Variants in EDA observed in about 807,000 individuals in gnomAD.
EDA encodes ectodysplasin A.
Under a neutral mutation model 23.6 loss-of-function variants are expected in EDA, and 2 were observed. The observed-to-expected ratio is 0.08, with a 90% confidence interval of 0.03 to 0.27. The LOEUF (loss-of-function observed/expected upper bound fraction) is 0.27. Among genes scored for constraint, EDA ranks in the 10% least tolerant of loss-of-function variants. The pLI is 1.00. For missense variants in EDA, 229 were observed against 324.2 expected (o/e 0.71, Z 2.26); for synonymous variants, 131 against 132.0 (o/e 0.99, Z 0.05).
chrX:69,912,769 CTTTTT>C (rs750059116), intron 1 of EDA, among the ~76,000 whole-genome samples: 2 of 79,206 alleles, frequency 2.5e-5, no homozygotes, highest in Non-Finnish European at 2.4e-5. Flanking sequence ...TTTTTCTTTT[CTTTTT>C]TTTTTTTTTT....
intron 1 of EDA, among the ~76,000 whole-genome samples, chrX:69,817,174 G>A (rs1280491498): frequency 2.7e-5 from 3 of 111,731 alleles, no homozygotes; most frequent in Non-Finnish European, 5.6e-5. Context: ...AATGCTGGGG[G>A]AATTTGTTAC....
chrX:69,781,995 G>A lies in EDA; in HGVS notation c.396+165291G>A, dbSNP rs1006515771. On this transcript the variant is annotated intron_variant, in intron 1 of 7. Coordinates refer to ENST00000374552, the MANE Select transcript of EDA (RefSeq NM_001399.5). Reference sequence around the variant, plus strand: ...GTTTGCAAGTCAAGAATAGTGTGGGGGAGGGAGTTTGGAGAGAAAAGACAA... The same window carrying A: ...GTTTGCAAGTCAAGAATAGTGTGGGAGAGGGAGTTTGGAGAGAAAAGACAA... 8.2e-5 allele frequency among the ~76,000 whole-genome samples: 9 copies of A among 109,579 alleles called. 1 individual carries two copies. The highest frequency in any genetic ancestry group is 5.0e-4 in the Admixed American group (5 of 10,086).
intron 1 of EDA, among the ~76,000 whole-genome samples, chrX:69,722,369 C>A (rs1407524926): frequency 9.1e-6 from 1 of 109,461 alleles, no homozygotes; most frequent in East Asian, 2.9e-4. Context: ...CCACGCCTGG[C>A]TCATTTTTTT....
intron 1 of EDA, among the ~76,000 whole-genome samples, chrX:69,693,831 G>A (rs1170449515): frequency 8.9e-6 from 1 of 111,871 alleles, no homozygotes; most frequent in Non-Finnish European, 1.9e-5. Flanking sequence ...TACTGTTATA[G>A]TATTGGCCTT....
chrX:69,873,284 A>T (rs1310273421), intron 1 of EDA, among the ~76,000 whole-genome samples: 2 of 112,216 alleles, frequency 1.8e-5, no homozygotes, highest in Non-Finnish European at 3.8e-5. Flanking sequence ...AAATGCCTAC[A>T]TCAAAAAGTC....
chrX:69,664,746 A>G (rs1266101763), intron 1 of EDA, among the ~76,000 whole-genome samples: 1 of 111,768 alleles, frequency 8.9e-6, no homozygotes, highest in Non-Finnish European at 1.9e-5. Context: ...AGTTGTTTCC[A>G]TATCTTGGCT....
rs132630318 is a variant in EDA, at chrX:69,616,491, C to T, written c.183C>T (p.Tyr61=). ...LALHLLTLCC[Y]LELRSELRRE... ...TCCACCTGCTGACGTTGTGCTGCTA[C>T]CTAGAGTTGCGCTCGGAGTTGCGGC... The change falls in exon 1 of 8, where the codon TAC becomes TAT. Residue 61 remains tyrosine (Y), a synonymous_variant. Transcript: ENST00000374552. 1 of 1,212,083 alleles carries T rather than the reference C, an allele frequency of 8.3e-7. No homozygotes were observed.
chrX:69,972,145 A>C (rs1159304054), intron 2 of EDA, among the ~76,000 whole-genome samples: 1 of 111,815 alleles, frequency 8.9e-6, no homozygotes, highest in Non-Finnish European at 1.9e-5. Context: ...TAATATACAT[A>C]ATGTTCCATT....
At chrX:69,941,504 T>A (rs139995005) in intron 1 of EDA, among the ~76,000 whole-genome samples, 2,021 of 111,834 alleles carry the variant, frequency 0.018, 56 homozygotes, top group African/African-American at 0.061. Flanking sequence ...TCTTGTTGAA[T>A]TGACCCCTTT....
At chrX:69,906,531 A>G (rs1444107646) in intron 1 of EDA, among the ~76,000 whole-genome samples, 2 of 112,537 alleles carry the variant, frequency 1.8e-5, no homozygotes, top group East Asian at 2.8e-4. Flanking sequence ...TGGGTATCAC[A>G]CTGACACATC....
intron 6 of EDA, 144 bp downstream of exon 6, chrX:70,030,664 T>C: frequency 1.8e-6 from 1 of 566,119 alleles, no homozygotes; most frequent in Middle Eastern, 5.0e-4. Context: ...CATCATGCCC[T>C]CTACTGGCTG....
intron 1 of EDA, among the ~76,000 whole-genome samples, chrX:69,798,970 C>T (rs778504201): frequency 1.3e-4 from 14 of 111,182 alleles, no homozygotes; most frequent in African/African-American, 3.9e-4. Flanking sequence ...CTATAGTAAC[C>T]AAAACAACAT....
intron 1 of EDA, among the ~76,000 whole-genome samples, chrX:69,626,732 G>A (rs1360889643): frequency 9.0e-6 from 1 of 111,716 alleles, no homozygotes; most frequent in Non-Finnish European, 1.9e-5. Flanking sequence ...CAGGGTTATA[G>A]CAGTGGAACG....
chrX:69,728,449 G>A (rs1430853391), intron 1 of EDA, among the ~76,000 whole-genome samples: 1 of 111,550 alleles, frequency 9.0e-6, no homozygotes, highest in Non-Finnish European at 1.9e-5. Flanking sequence ...GTGCATTTTG[G>A]GCAGAGGAAA....
At chrX:69,850,048 G>A (rs1169997812) in intron 1 of EDA, among the ~76,000 whole-genome samples, 1 of 111,938 alleles carries the variant, frequency 8.9e-6, no homozygotes, top group Non-Finnish European at 1.9e-5. Flanking sequence ...TGTGATTAAG[G>A]CCATATCTAT....
intron 1 of EDA, among the ~76,000 whole-genome samples, chrX:69,752,030 A>T (rs2013899911): frequency 9.0e-6 from 1 of 110,961 alleles, no homozygotes; most frequent in African/African-American, 3.3e-5. Flanking sequence ...AAACAGGGAC[A>T]ATTTGACTTC....
At chrX:69,823,655 C>T (rs1424966159) in intron 1 of EDA, among the ~76,000 whole-genome samples, 2 of 95,420 alleles carry the variant, frequency 2.1e-5, no homozygotes, top group African/African-American at 8.0e-5. Context: ...GTTGCCTGTT[C>T]ACTCTGATGG....
chrX:69,746,445 G>GTGTC, intron 1 of EDA, among the ~76,000 whole-genome samples: 1 of 111,688 alleles, frequency 9.0e-6, no homozygotes, highest in Admixed American at 9.5e-5. Context: ...TTCTTCCATT[G>GTGTC]TGTCTTCTTG....
At chrX:69,720,475 C>G (rs2012539794) in intron 1 of EDA, among the ~76,000 whole-genome samples, 1 of 111,591 alleles carries the variant, frequency 9.0e-6, no homozygotes. Context: ...CCTTTCACCT[C>G]TCTTTCTGGG....
Sources: gnomAD v4.1 joint callset for allele counts (sites outside exome capture counted in the v4.1 genomes callset) on GRCh38, gnomAD v4.1.1 for gene constraint, MANE v1.5 for transcripts, NCBI Gene and HGNC (gene_info 2026-07-23, HGNC 2026-07-21) for gene names.